Variants in GUCY1A2 observed in about 807,000 individuals in gnomAD.
GUCY1A2 encodes the protein guanylate cyclase 1 soluble subunit alpha 2, also known as guanylate cyclase soluble subunit alpha-2.
In GUCY1A2, 27 loss-of-function variants were observed where a neutral mutation model predicts 63.5. That is an observed-to-expected ratio of 0.43 (90% CI 0.31 to 0.59). GUCY1A2 has a LOEUF of 0.59. Ranked by LOEUF, GUCY1A2 falls within the 20% of genes least tolerant of loss-of-function variation. The probability of loss-of-function intolerance (pLI) is 0.11; values close to 1 mark genes in which losing one functional copy is unlikely to be tolerated. For missense variants in GUCY1A2, 768 were observed against 913.3 expected, an observed-to-expected ratio of 0.84 and a Z score of 2.05; for synonymous variants, 364 against 343.5, an observed-to-expected ratio of 1.06 and a Z score of -0.66.
chr11:106,887,108 C>T (rs1180286041), intron 4 of GUCY1A2, among the ~76,000 whole-genome samples: 1 of 152,072 alleles, frequency 6.6e-6, no homozygotes, highest in African/African-American at 2.4e-5. Flanking sequence ...CTTCCACATG[C>T]ATCTGCTTGT....
chr11:106,939,303 C>T (rs981473224), intron 4 of GUCY1A2, among the ~76,000 whole-genome samples, 157 bp downstream of exon 4: 14 of 152,090 alleles, frequency 9.2e-5, no homozygotes, highest in African/African-American at 3.1e-4. Context: ...GGGAATGAGG[C>T]CAAATCTTTT....
At position 106,908,496 on chromosome 11, in the gene GUCY1A2, T is replaced by C. The variant is rs183888567; in HGVS notation, c.1206+30964A>G. ...CCTATACATAAAGCAGAAAATTGAG[T>C]GGGAGTATTGGAGTGAGAGCCGGTG... On this transcript the variant is annotated intron_variant, in intron 4 of 7. Transcript: ENST00000526355. Among the ~76,000 whole-genome samples the C allele has an allele frequency of 6.3e-3, 951 of 151,478 alleles. 3 individuals are homozygous for C. The highest frequency in any genetic ancestry group is 0.025 in the South Asian group (120 of 4,786).
chr11:107,011,614 A>T lies in GUCY1A2; in HGVS notation c.303+6139T>A, dbSNP rs1035072257. Reference sequence around the variant, plus strand: ...TAAATATATATCTTTAATATATATAAAAAGGAGTATATAATATATAATACT... The same window carrying T: ...TAAATATATATCTTTAATATATATATAAAGGAGTATATAATATATAATACT... On this transcript the variant is annotated intron_variant, in intron 1 of 7. Transcript: ENST00000526355. Among the ~76,000 whole-genome samples, 19 of 146,790 alleles carry T rather than the reference A, an allele frequency of 1.3e-4. No individual in the cohort carries two copies. In the South Asian group the frequency reaches 3.2e-3, roughly 24 times the overall value.
At chr11:106,802,265 G>T (rs976301322) in intron 5 of GUCY1A2, among the ~76,000 whole-genome samples, 1 of 152,136 alleles carries the variant, frequency 6.6e-6, no homozygotes, top group Non-Finnish European at 1.5e-5. Flanking sequence ...AAGGCAAGTT[G>T]TTCATACTGT....
At chr11:106,976,925 C>T (rs1028092049) in intron 3 of GUCY1A2, among the ~76,000 whole-genome samples, 6 of 106,226 alleles carry the variant, frequency 5.6e-5, no homozygotes, top group African/African-American at 1.5e-4. Context: ...AACAGTGTCC[C>T]CTGAAAACCA....
chr11:106,836,484 T>C (rs1029112554), intron 4 of GUCY1A2, among the ~76,000 whole-genome samples: 18 of 152,120 alleles, frequency 1.2e-4, no homozygotes, highest in Admixed American at 9.8e-4. Flanking sequence ...GGCCGCAATA[T>C]ACAGTACGTA....
intron 4 of GUCY1A2, among the ~76,000 whole-genome samples, chr11:106,890,037 G>A (rs1255790282): frequency 1.3e-5 from 2 of 152,054 alleles, no homozygotes; most frequent in Admixed American, 1.3e-4. Flanking sequence ...TGTATTTGAA[G>A]ATCCTCACCT....
intron 4 of GUCY1A2, among the ~76,000 whole-genome samples, chr11:106,839,787 C>T (rs187964138): frequency 6.8e-6 from 1 of 146,908 alleles, no homozygotes; most frequent in East Asian, 2.0e-4. Flanking sequence ...CATGTTCTCA[C>T]TCACAGGTGG....
chr11:106,694,008 T>C (rs1426363328), intron 7 of GUCY1A2, among the ~76,000 whole-genome samples: 1 of 152,188 alleles, frequency 6.6e-6, no homozygotes, highest in Non-Finnish European at 1.5e-5. Context: ...GTATAAGTCA[T>C]TATGACATGG....
chr11:106,973,811 A>G (rs1226484710), intron 3 of GUCY1A2, among the ~76,000 whole-genome samples: 1 of 152,122 alleles, frequency 6.6e-6, no homozygotes. Context: ...TCTGATGCAA[A>G]CATTATTTGG....
chr11:106,810,571 T>A, intron 4 of GUCY1A2, 93 bp from the exon 5 acceptor site: 1 of 1,090,374 alleles, frequency 9.2e-7, no homozygotes, highest in Non-Finnish European at 1.3e-6. Flanking sequence ...AGAAAAAATG[T>A]TTTATTAGCA....
At chr11:106,726,880 T>G (rs537051631) in intron 6 of GUCY1A2, among the ~76,000 whole-genome samples, 120 of 152,260 alleles carry the variant, frequency 7.9e-4, no homozygotes, top group African/African-American at 2.8e-3. Context: ...AGATACCAGC[T>G]TTGAGGTGGT....
chr11:106,760,359 T>C (rs1864044576), intron 6 of GUCY1A2, among the ~76,000 whole-genome samples: 1 of 152,178 alleles, frequency 6.6e-6, no homozygotes. Context: ...TGAGATTATG[T>C]AGTTGGAACA....
At chr11:106,819,781 C>A (rs1275938666) in intron 4 of GUCY1A2, among the ~76,000 whole-genome samples, 1 of 152,020 alleles carries the variant, frequency 6.6e-6, no homozygotes, top group African/African-American at 2.4e-5. Context: ...TGCCTGGATA[C>A]ACCAGAGAAT....
intron 7 of GUCY1A2, among the ~76,000 whole-genome samples, chr11:106,694,358 CTTTA>C: frequency 6.6e-6 from 1 of 152,248 alleles, no homozygotes; most frequent in Admixed American, 6.5e-5. Context: ...TTTGTTCTCC[CTTTA>C]TTTATTAGTA....
chr11:106,785,471 A>C (rs935573041), intron 5 of GUCY1A2, among the ~76,000 whole-genome samples: 1 of 151,786 alleles, frequency 6.6e-6, no homozygotes, highest in East Asian at 1.9e-4. Flanking sequence ...TCACTCTCAC[A>C]GTATGTATCA....
intron 3 of GUCY1A2, among the ~76,000 whole-genome samples, chr11:106,947,084 G>A (rs1487239542): frequency 6.6e-6 from 1 of 151,960 alleles, no homozygotes; most frequent in Non-Finnish European, 1.5e-5. Flanking sequence ...GGGCGCAGTG[G>A]CAGGTTCCTG....
At chr11:106,831,448 C>T (rs1466093102) in intron 4 of GUCY1A2, among the ~76,000 whole-genome samples, 2 of 152,062 alleles carry the variant, frequency 1.3e-5, no homozygotes, top group Admixed American at 6.6e-5. Context: ...GTTCAAAGGC[C>T]CAGAAGGAAA....
At chr11:106,843,714 C>T (rs1242521354) in intron 4 of GUCY1A2, among the ~76,000 whole-genome samples, 6 of 151,700 alleles carry the variant, frequency 4.0e-5, no homozygotes, top group Admixed American at 1.3e-4. Flanking sequence ...GATGGTTTAC[C>T]CAAAGTTTCT....
Sources: gnomAD v4.1 joint callset for allele counts (sites outside exome capture counted in the v4.1 genomes callset) on GRCh38, gnomAD v4.1.1 for gene constraint, MANE v1.5 for transcripts, NCBI Gene and HGNC (gene_info 2026-07-23, HGNC 2026-07-21) for gene names.